CAMK4: variants seen among roughly 807,000 people sequenced by gnomAD.
The protein encoded by CAMK4 is calcium/calmodulin-dependent protein kinase type IV.
A neutral mutation model predicts 44.9 loss-of-function variants in CAMK4; 22 were observed. The ratio of observed to expected loss-of-function variants is 0.49; its 90% CI spans 0.35 to 0.70. CAMK4 has a LOEUF of 0.70. Ranked by LOEUF, CAMK4 falls within the 30% of genes least tolerant of loss-of-function variation. The probability of loss-of-function intolerance (pLI) is 0.01; values close to 1 mark genes in which losing one functional copy is unlikely to be tolerated. For synonymous variants in CAMK4, 218 were observed against 215.4 expected (o/e 1.01, Z -0.11); for missense variants, 498 against 586.8 (o/e 0.85, Z 1.56).
At chr5:111,261,802 C>A (rs1346932533) in intron 1 of CAMK4, among the ~76,000 whole-genome samples, 1 of 152,110 alleles carries the variant, frequency 6.6e-6, no homozygotes, top group Non-Finnish European at 1.5e-5. Flanking sequence ...TGCTTCTCTC[C>A]CCTTGTGAAC....
At chr5:111,246,375 A>G (rs1016361881) in intron 1 of CAMK4, among the ~76,000 whole-genome samples, 4 of 152,220 alleles carry the variant, frequency 2.6e-5, no homozygotes, top group Non-Finnish European at 2.9e-5. Context: ...TAATGTACAA[A>G]TGTAATTTAA....
intron 1 of CAMK4, among the ~76,000 whole-genome samples, chr5:111,334,759 C>T (rs1288875241): frequency 6.6e-6 from 1 of 151,322 alleles, no homozygotes; most frequent in Non-Finnish European, 1.5e-5. Context: ...GAGGATCTTT[C>T]CAGTAAGCAC....
chr5:111,317,885 G>A lies in CAMK4; in HGVS notation c.162-26139G>A, dbSNP rs189104218. On this transcript the variant is annotated intron_variant, in intron 1 of 10. Transcript: ENST00000282356. ...AAATAAATTCAGAATCCTAAAGCCG[G>A]TGGAGTAATATGTAAAAAAAAAAAA... 7.5e-3 allele frequency among the ~76,000 whole-genome samples: 783 copies of A among 104,874 alleles called. 7 individuals carry two copies. The highest frequency in any genetic ancestry group is 0.026 in the African/African-American group (758 of 29,036). 68.8% of individuals were successfully genotyped at this position (104,874 alleles called of 152,430 possible).
intron 4 of CAMK4, among the ~76,000 whole-genome samples, chr5:111,391,400 G>A (rs73789806): frequency 0.013 from 2,048 of 152,194 alleles, 41 homozygotes; most frequent in African/African-American, 0.047. Context: ...AAAAGTATCT[G>A]ATTTAGTTCC....
intron 1 of CAMK4, among the ~76,000 whole-genome samples, chr5:111,277,791 G>A (rs1187084221): frequency 1.3e-5 from 2 of 151,596 alleles, no homozygotes; most frequent in Non-Finnish European, 2.9e-5. Flanking sequence ...TTCTATTGAT[G>A]TTTAAGGGAC....
intron 5 of CAMK4, among the ~76,000 whole-genome samples, chr5:111,431,993 C>T (rs1232535602): frequency 6.6e-6 from 1 of 152,084 alleles, no homozygotes; most frequent in Non-Finnish European, 1.5e-5. Context: ...TCCAGCAATC[C>T]CATTGTTGGG....
At chr5:111,301,384 C>G (rs1229503842) in intron 1 of CAMK4, among the ~76,000 whole-genome samples, 1 of 152,122 alleles carries the variant, frequency 6.6e-6, no homozygotes, top group Non-Finnish European at 1.5e-5. Flanking sequence ...AAGAATAATT[C>G]TGGTGATAAC....
chr5:111,234,578 A>G (rs1280748632), intron 1 of CAMK4, among the ~76,000 whole-genome samples: 1 of 152,216 alleles, frequency 6.6e-6, no homozygotes, highest in African/African-American at 2.4e-5. Flanking sequence ...TGGCTTAGGC[A>G]GCTAAAGGCA....
At chr5:111,267,978 C>CT (rs1364381092) in intron 1 of CAMK4, among the ~76,000 whole-genome samples, 8 of 152,238 alleles carry the variant, frequency 5.3e-5, no homozygotes, top group African/African-American at 1.7e-4. Context: ...CTCACTATGC[C>CT]TTTCTCTATA....
intron 1 of CAMK4, among the ~76,000 whole-genome samples, chr5:111,317,788 A>C (rs182439886): frequency 6.6e-6 from 1 of 151,166 alleles, no homozygotes; most frequent in African/African-American, 2.4e-5. Context: ...TGCCATGGCC[A>C]TGTTGAAATT....
intron 1 of CAMK4, among the ~76,000 whole-genome samples, chr5:111,264,094 A>G (rs1750119846): frequency 6.6e-6 from 1 of 152,236 alleles, no homozygotes; most frequent in Admixed American, 6.5e-5. Context: ...CAATTTTTGA[A>G]TGACTGGCTC....
At chr5:111,358,922 G>A (rs188403189) in intron 2 of CAMK4, among the ~76,000 whole-genome samples, 2 of 152,092 alleles carry the variant, frequency 1.3e-5, no homozygotes, top group Admixed American at 6.6e-5. Context: ...TCTTTTTTAT[G>A]GCTGCATAGT....
intron 1 of CAMK4, among the ~76,000 whole-genome samples, chr5:111,298,106 T>C (rs1035180915): frequency 4.6e-5 from 7 of 152,240 alleles, no homozygotes; most frequent in African/African-American, 7.2e-5. Context: ...TAAGCATCTG[T>C]ACACTGAGAA....
At chr5:111,330,403 C>T (rs1488525495) in intron 1 of CAMK4, among the ~76,000 whole-genome samples, 1 of 151,572 alleles carries the variant, frequency 6.6e-6, no homozygotes, top group Non-Finnish European at 1.5e-5. Context: ...ATTAAGATGT[C>T]AGTTCTCTCC....
intron 9 of CAMK4, 144 bp downstream of exon 9, chr5:111,478,651 T>C (rs907113306): frequency 8.6e-6 from 4 of 464,358 alleles, no homozygotes; most frequent in African/African-American, 6.0e-5. Context: ...AATTAGTTCA[T>C]TAATACATTT....
At chr5:111,479,936 A>G (rs1755374685) in intron 9 of CAMK4, among the ~76,000 whole-genome samples, 1 of 152,034 alleles carries the variant, frequency 6.6e-6, no homozygotes, top group Non-Finnish European at 1.5e-5. Context: ...TGCCTTTCTC[A>G]AATACAGTCT....
chr5:111,294,813 C>T (rs1307556037), intron 1 of CAMK4, among the ~76,000 whole-genome samples: 2 of 151,966 alleles, frequency 1.3e-5, no homozygotes, highest in African/African-American at 4.8e-5. Flanking sequence ...AAGCAGGTTG[C>T]ATTTTTCTTA....
chr5:111,478,526 A>G lies in CAMK4; in HGVS notation c.828+19A>G, dbSNP rs1022622336. The G allele has an allele frequency of 1.7e-5, 22 of 1,317,800 alleles. No homozygotes were observed. Among genetic ancestry groups the G allele is most frequent in the African/African-American group, 4.5e-5 (3 of 66,768 alleles). 81.6% of individuals were successfully genotyped at this position (1,317,800 alleles called of 1,614,324 possible). On this transcript the variant is annotated intron_variant, in intron 9 of 10. Coordinates refer to ENST00000282356, the MANE Select transcript of CAMK4 (RefSeq NM_001744.6). Reference sequence around the variant, plus strand: ...GGACTTGGTAAGTGTAACCAAAACAAAATGAAACAAAATGAAATAAATTTA... The same window carrying G: ...GGACTTGGTAAGTGTAACCAAAACAGAATGAAACAAAATGAAATAAATTTA...
intron 1 of CAMK4, among the ~76,000 whole-genome samples, chr5:111,328,594 C>A (rs915911643): frequency 1.3e-5 from 2 of 151,984 alleles, no homozygotes. Context: ...CTATAAAATA[C>A]CTTGGGCAGT....
Sources: gnomAD v4.1 joint callset for allele counts (sites outside exome capture counted in the v4.1 genomes callset) on GRCh38, gnomAD v4.1.1 for gene constraint, MANE v1.5 for transcripts, NCBI Gene and HGNC (gene_info 2026-07-23, HGNC 2026-07-21) for gene names.